Variants in WWP2 observed in about 807,000 individuals in gnomAD.
The protein encoded by WWP2 is NEDD4-like E3 ubiquitin-protein ligase WWP2.
Under a neutral mutation model 121.0 loss-of-function variants are expected in WWP2, and 57 were observed. The ratio of observed to expected loss-of-function variants is 0.47; its 90% CI spans 0.38 to 0.59. The LOEUF is 0.59. Ranked by LOEUF, WWP2 falls within the 20% of genes least tolerant of loss-of-function variation. The probability of loss-of-function intolerance (pLI) is 0.00; values close to 1 mark genes in which losing one functional copy is unlikely to be tolerated. For synonymous variants in WWP2, 449 were observed against 441.3 expected, an observed-to-expected ratio of 1.02 and a Z score of -0.22; for missense variants, 962 against 1,158.9, an observed-to-expected ratio of 0.83 and a Z score of 2.47.
chr16:69,846,502 C>G (rs1191628580), intron 6 of WWP2, among the ~76,000 whole-genome samples: 1 of 152,134 alleles, frequency 6.6e-6, no homozygotes, highest in African/African-American at 2.4e-5. Context: ...GGATGGATCA[C>G]TTGAGGTCAG....
chr16:69,927,249 C>T (rs1701955113), intron 11 of WWP2, among the ~76,000 whole-genome samples: 3 of 151,982 alleles, frequency 2.0e-5, no homozygotes, highest in African/African-American at 7.2e-5. Flanking sequence ...CTCCCCAGGG[C>T]TCACCGAGAA....
At chr16:69,923,338 A>G (rs2058592193) in intron 10 of WWP2, among the ~76,000 whole-genome samples, 2 of 150,048 alleles carry the variant, frequency 1.3e-5, no homozygotes, top group African/African-American at 2.5e-5. Context: ...GTGCGTTCTG[A>G]TAGAATAACA....
chr16:69,861,361 T>G (rs2057416509), intron 6 of WWP2, among the ~76,000 whole-genome samples: 1 of 152,232 alleles, frequency 6.6e-6, no homozygotes, highest in Non-Finnish European at 1.5e-5. Flanking sequence ...ACCTTCTCTC[T>G]CAAGGTGAGT....
Position 69,802,384 on chromosome 16 carries a change from T to A in WWP2, c.340+3089T>A, listed in dbSNP as rs76761193. Among the ~76,000 whole-genome samples the A allele has an allele frequency of 6.5e-3, 987 of 152,280 alleles. 12 individuals carry two copies. Among genetic ancestry groups the A allele is most frequent in the African/African-American group, 0.022 (915 of 41,556 alleles). ...TCTTTTCACCTTGCAAAACTGAAAT[T>A]CTGTCCCATTAAACCATGACTCCCC... On this transcript the variant is annotated intron_variant, in intron 4 of 23. Transcript: ENST00000359154.
intron 6 of WWP2, among the ~76,000 whole-genome samples, chr16:69,865,448 A>G (rs1391244274): frequency 2.0e-5 from 3 of 152,226 alleles, no homozygotes; most frequent in African/African-American, 4.8e-5. Flanking sequence ...TTTATCAGAC[A>G]TATATTGTCA....
intron 1 of WWP2, among the ~76,000 whole-genome samples, chr16:69,781,134 GA>G (rs201149822): frequency 4.0e-5 from 6 of 149,462 alleles, no homozygotes; most frequent in Admixed American, 6.7e-5. Context: ...TTTAAAAAAG[GA>G]AAAAAAAAGA....
chr16:69,773,459 A>G (rs1480354947), intron 1 of WWP2, among the ~76,000 whole-genome samples: 1 of 151,914 alleles, frequency 6.6e-6, no homozygotes, highest in Non-Finnish European at 1.5e-5. Context: ...AATTACAGGC[A>G]TGAGCCACCA....
intron 6 of WWP2, among the ~76,000 whole-genome samples, chr16:69,862,695 C>A (rs1373679996): frequency 6.6e-6 from 1 of 151,022 alleles, no homozygotes; most frequent in Non-Finnish European, 1.5e-5. Context: ...TGGTATCCAG[C>A]CAGCCATGAA....
intron 10 of WWP2, among the ~76,000 whole-genome samples, chr16:69,918,528 A>G (rs560781900): frequency 7.2e-5 from 11 of 152,334 alleles, no homozygotes; most frequent in Admixed American, 6.5e-4. Context: ...TATCACAATA[A>G]AGACTGTACA....
rs1268470501 is a variant in WWP2 at position 69,931,155 on chromosome 16, G to A, written c.1449G>A (p.Thr483=). The part of the protein sequence containing the change: ...KDPRPGFESG[T]KQGSPGAYDR... ...TGAACATCTTTGCTCTTCCTAGGAC[G>A]AAGCAAGGTTCCCCTGGTGCTTATG... Residue 483 remains threonine, a synonymous_variant, in exon 14 of 24, where the codon ACG becomes ACA. Transcript: ENST00000359154. 2 of 1,614,128 alleles carry A rather than the reference G, an allele frequency of 1.2e-6. No homozygotes were observed. The highest frequency in any genetic ancestry group is 2.2e-5 in the East Asian group (1 of 44,888).
At chr16:69,848,149 A>G (rs1226034286) in intron 6 of WWP2, among the ~76,000 whole-genome samples, 2 of 152,226 alleles carry the variant, frequency 1.3e-5, no homozygotes, top group African/African-American at 4.8e-5. Flanking sequence ...ATCTTAGTTA[A>G]GAAGCTGTCA....
chr16:69,842,199 A>G, intron 6 of WWP2, 79 bp downstream of exon 6: 1 of 1,369,862 alleles, frequency 7.3e-7, no homozygotes, highest in South Asian at 1.3e-5. Context: ...ATGGCGGGGA[A>G]CATTTTATGG....
intron 4 of WWP2, among the ~76,000 whole-genome samples, chr16:69,806,128 G>A (rs938546667): frequency 6.6e-6 from 1 of 152,140 alleles, no homozygotes; most frequent in African/African-American, 2.4e-5. Context: ...TTGAGTCCAG[G>A]ATTCTGAGGC....
At chr16:69,931,408 C>T (rs1001208057) in intron 14 of WWP2, 101 bp from the exon 15 acceptor site, 11 of 1,532,620 alleles carry the variant, frequency 7.2e-6, no homozygotes, top group Non-Finnish European at 9.9e-6. Context: ...CATGCTATTG[C>T]CTCCTGGCCC....
intron 9 of WWP2, 175 bp downstream of exon 9, chr16:69,909,025 A>G (rs1038747970): frequency 2.7e-5 from 38 of 1,388,280 alleles, no homozygotes; most frequent in Non-Finnish European, 3.4e-5. Flanking sequence ...GTCTTAGGAC[A>G]TATTAGAATT....
chr16:69,918,032 C>T lies in WWP2; in HGVS notation c.1179+149C>T, dbSNP rs2058502136. 4 of 1,055,954 alleles carry T rather than the reference C, an allele frequency of 3.8e-6. No individual in the cohort carries two copies. The South Asian group carries it at 5.3e-5, about 14-fold the overall frequency. 65.4% of individuals were successfully genotyped at this position (1,055,954 alleles called of 1,614,324 possible). A position where few individuals can be genotyped will look rare whatever the true frequency, so the allele number is the denominator to read the frequency against. On this transcript the variant is annotated intron_variant, in intron 10 of 23. Transcript: ENST00000359154. ...CTGCCCCTGGAGATTTTACTCATCA[C>T]AGTGAAATTCCTCAAATTCCAGTGT...
At chr16:69,828,469 C>T (rs1474288189) in intron 4 of WWP2, among the ~76,000 whole-genome samples, 1 of 152,178 alleles carries the variant, frequency 6.6e-6, no homozygotes, top group Admixed American at 6.5e-5. Flanking sequence ...CTAGTTCAAG[C>T]GAGTCTCCTG....
chr16:69,909,457 C>T, intron 9 of WWP2: 1 of 985,450 alleles, frequency 1.0e-6, no homozygotes, highest in African/African-American at 1.7e-5. Context: ...TAGGAGAGCC[C>T]GTGTGCCCTG....
At chr16:69,932,569 T>C (rs1324070854) in intron 16 of WWP2, among the ~76,000 whole-genome samples, 2 of 152,190 alleles carry the variant, frequency 1.3e-5, no homozygotes, top group African/African-American at 2.4e-5. Flanking sequence ...CAGTTGAATA[T>C]AGGGGCCATG....
Sources: allele counts gnomAD v4.1 joint callset (sites outside exome capture counted in the v4.1 genomes callset), GRCh38; gene constraint gnomAD v4.1.1; transcripts MANE v1.5; gene names NCBI Gene and HGNC (gene_info 2026-07-23, HGNC 2026-07-21).